The following PPM1H variants were observed in gnomAD, a reference collection of about 807,000 sequenced individuals.
PPM1H encodes protein phosphatase 1H.
PPM1H carries 27 observed loss-of-function variants against 54.9 expected under a neutral mutation model. That is an observed-to-expected ratio of 0.49 (90% CI 0.36 to 0.68). The LOEUF (loss-of-function observed/expected upper bound fraction) is 0.68. Among genes scored for constraint, PPM1H ranks in the 30% least tolerant of loss-of-function variants. The pLI is 0.00. For missense variants in PPM1H, 596 were observed against 667.8 expected (o/e 0.89, Z 1.19); for synonymous variants, 305 against 270.8 (o/e 1.13, Z -1.24).
At chr12:62,768,909 G>A (rs2076561747) in intron 4 of PPM1H, among the ~76,000 whole-genome samples, 1 of 152,122 alleles carries the variant, frequency 6.6e-6, no homozygotes. Flanking sequence ...CAAGACAGCT[G>A]GGGTTTGCCT....
At chr12:62,890,241 G>A (rs917768757) in intron 1 of PPM1H, among the ~76,000 whole-genome samples, 5 of 152,040 alleles carry the variant, frequency 3.3e-5, no homozygotes, top group South Asian at 2.1e-4. Context: ...TAGAAGGATC[G>A]CTTGATCCCA....
chr12:62,768,523 C>T (rs549437475), intron 4 of PPM1H, among the ~76,000 whole-genome samples: 5 of 152,022 alleles, frequency 3.3e-5, no homozygotes, highest in South Asian at 2.1e-4. Flanking sequence ...GGCATGGTGG[C>T]GGGCGCCTGT....
chr12:62,658,921 C>T, intron 9 of PPM1H: 2 of 677,970 alleles, frequency 2.9e-6, no homozygotes, highest in Non-Finnish European at 5.5e-6. Context: ...TTAAGCGTAA[C>T]TGGCAGAAAC....
chr12:62,904,685 G>A (rs1322005805), intron 1 of PPM1H, among the ~76,000 whole-genome samples: 3 of 152,110 alleles, frequency 2.0e-5, no homozygotes, highest in African/African-American at 7.2e-5. Context: ...GTGAAATAAA[G>A]ACATTTTAAA....
intron 9 of PPM1H, chr12:62,658,852 G>A: frequency 3.4e-6 from 2 of 581,808 alleles, no homozygotes; most frequent in South Asian, 3.0e-5. Flanking sequence ...TGGAGCCCAA[G>A]ATTGTCAAAA....
intron 3 of PPM1H, among the ~76,000 whole-genome samples, chr12:62,800,739 G>A (rs1411893463): frequency 6.6e-6 from 1 of 152,178 alleles, no homozygotes; most frequent in African/African-American, 2.4e-5. Flanking sequence ...GCAGGCTGCC[G>A]AGCAAGAAAT....
chr12:62,752,647 A>C (rs1592580195), intron 4 of PPM1H, among the ~76,000 whole-genome samples: 1 of 152,190 alleles, frequency 6.6e-6, no homozygotes, highest in East Asian at 1.9e-4. Context: ...TGTGACAAAG[A>C]GATACATATA....
At chr12:62,658,491 G>A in intron 9 of PPM1H, among the ~76,000 whole-genome samples, 1 of 151,986 alleles carries the variant, frequency 6.6e-6, no homozygotes. Context: ...CCCCCCCACT[G>A]AACCTCCAGC....
chr12:62,770,336 A>G (rs1286549236), intron 4 of PPM1H, among the ~76,000 whole-genome samples: 1 of 152,100 alleles, frequency 6.6e-6, no homozygotes, highest in Non-Finnish European at 1.5e-5. Context: ...TAAGGAAGGC[A>G]CAGAGAGGTT....
intron 6 of PPM1H, among the ~76,000 whole-genome samples, chr12:62,703,722 A>C (rs2120390903): frequency 6.6e-6 from 1 of 152,178 alleles, no homozygotes. Context: ...GCAATTCTGG[A>C]ATCCACAGAG....
intron 4 of PPM1H, among the ~76,000 whole-genome samples, chr12:62,761,415 G>T (rs2076508203): frequency 6.6e-6 from 1 of 152,216 alleles, no homozygotes; most frequent in African/African-American, 2.4e-5. Flanking sequence ...TGGTAACAGT[G>T]GTTGGGGAGG....
At chr12:62,809,296 C>T (rs2076822409) in intron 2 of PPM1H, among the ~76,000 whole-genome samples, 1 of 152,172 alleles carries the variant, frequency 6.6e-6, no homozygotes, top group Non-Finnish European at 1.5e-5. Context: ...AGTGATCCAC[C>T]CATCTCAACC....
intron 7 of PPM1H, among the ~76,000 whole-genome samples, chr12:62,692,352 G>C (rs1430735202): frequency 6.6e-6 from 1 of 152,200 alleles, no homozygotes; most frequent in Non-Finnish European, 1.5e-5. Context: ...TGATGTTTTG[G>C]TGAATTGAAC....
chr12:62,742,062 T>C (rs1173118147), intron 4 of PPM1H, among the ~76,000 whole-genome samples: 3 of 151,774 alleles, frequency 2.0e-5, no homozygotes, highest in Non-Finnish European at 2.9e-5. Context: ...GCAGTGCCTC[T>C]CTCCTTAGTG....
At chr12:62,759,911 C>T (rs2076497955) in intron 4 of PPM1H, among the ~76,000 whole-genome samples, 1 of 152,068 alleles carries the variant, frequency 6.6e-6, no homozygotes, top group African/African-American at 2.4e-5. Flanking sequence ...CCCTTCTTCA[C>T]TTTCCTGGGG....
chr12:62,876,837 G>T (rs961510293), intron 1 of PPM1H, among the ~76,000 whole-genome samples: 5 of 152,154 alleles, frequency 3.3e-5, no homozygotes, highest in Non-Finnish European at 5.9e-5. Context: ...TAAGTTCAGT[G>T]ATCAGTTTTC....
At chr12:62,670,103 T>G (rs560060560) in intron 8 of PPM1H, among the ~76,000 whole-genome samples, 169 of 146,738 alleles carry the variant, frequency 1.2e-3, no homozygotes, top group Non-Finnish European at 1.8e-3. Flanking sequence ...TCAGCCTCCC[T>G]AGTAGCTGGG....
In PPM1H at chr12:62,689,762, G is replaced by A. The variant is rs1334748186; in HGVS notation, c.1182C>T (p.Asp394=). ...ATIGVTRGLG[D]HDLKVHDSNI... is the part of the protein sequence containing the mutation. ...TGGAGTCATGCACCTTCAGGTCATG[G>A]TCCCCAAGTCCCCTGGTCACTCCAA... The change falls in exon 8 of 10, where the codon GAC becomes GAT. Residue 394 remains aspartate, a synonymous_variant. Transcript: ENST00000228705. 1.9e-6 allele frequency: 3 copies of A among 1,613,574 alleles called. No homozygotes were observed. The highest frequency in any genetic ancestry group is 2.7e-5 in the African/African-American group (2 of 74,890).
At chr12:62,736,963 A>C (rs747876247) in intron 5 of PPM1H, among the ~76,000 whole-genome samples, 3 of 152,178 alleles carry the variant, frequency 2.0e-5, no homozygotes, top group Non-Finnish European at 2.9e-5. Flanking sequence ...AATAATCTAC[A>C]TAGAGAACTT....
Sources: allele counts gnomAD v4.1 joint callset (sites outside exome capture counted in the v4.1 genomes callset), GRCh38; gene constraint gnomAD v4.1.1; transcripts MANE v1.5; gene names NCBI Gene and HGNC (gene_info 2026-07-23, HGNC 2026-07-21).